HADHB: variants seen among roughly 807,000 people sequenced by gnomAD.
HADHB encodes the protein hydroxyacyl-CoA dehydrogenase trifunctional multienzyme complex subunit beta.
In HADHB, 50 loss-of-function variants were observed where a neutral mutation model predicts 61.9. The ratio of observed to expected loss-of-function variants is 0.81; its 90% confidence interval spans 0.64 to 1.02. The LOEUF is 1.02. Among genes scored for constraint, HADHB ranks in the 50% least tolerant of loss-of-function variants. The probability of loss-of-function intolerance (pLI) is 0.00; values close to 1 mark genes in which losing one functional copy is unlikely to be tolerated. For missense variants in HADHB, 504 were observed against 586.5 expected, an observed-to-expected ratio of 0.86 and a Z score of 1.45; for synonymous variants, 191 against 201.6, an observed-to-expected ratio of 0.95 and a Z score of 0.45.
intron 3 of HADHB, among the ~76,000 whole-genome samples, chr2:26,262,115 C>G (rs566652472): frequency 6.6e-6 from 1 of 152,140 alleles, no homozygotes; most frequent in African/African-American, 2.4e-5. Flanking sequence ...ACTATTAACT[C>G]TCACTAATAT....
rs1672658071 is a variant in HADHB at position 26,278,700 on chromosome 2, A to G, written c.529A>G (p.Arg177Gly). 3.1e-6 allele frequency: 5 copies of G among 1,614,094 alleles called. No individual in the cohort carries two copies. Among genetic ancestry groups the G allele is most frequent in the Non-Finnish European group, 4.2e-6 (5 of 1,179,924 alleles). Residue 177 changes from arginine to glycine, a missense_variant, in exon 8 of 16, where the codon AGG becomes GGG. Physicochemically the swap from Arg to Gly is moderately radical, Grantham distance 125. Transcript: ENST00000317799. ...LMSDVPIRHS[R>G]KMRKLMLDLN... is the part of the protein sequence containing the mutation. ...GTCCGATGTCCCTATTCGTCACTCA[A>G]GGAAAATGAGAAAACTGATGCTTGA... is the stretch of plus-strand genomic sequence containing the variant.
chr2:26,253,872 A>ATAAATAAG (rs1671503833), intron 1 of HADHB, among the ~76,000 whole-genome samples: 3 of 148,040 alleles, frequency 2.0e-5, no homozygotes, highest in Admixed American at 2.0e-4. Context: ...AAATAAATAA[A>ATAAATAAG]TAAATAAATA....
intron 1 of HADHB, among the ~76,000 whole-genome samples, chr2:26,249,576 T>C (rs1373326112): frequency 1.3e-5 from 2 of 151,596 alleles, no homozygotes; most frequent in African/African-American, 2.4e-5. Context: ...CAATGAGAGG[T>C]TGGGTTTCAG....
intron 6 of HADHB, among the ~76,000 whole-genome samples, chr2:26,276,323 C>T (rs971057675): frequency 2.0e-4 from 30 of 152,238 alleles, no homozygotes; most frequent in African/African-American, 7.0e-4. Context: ...ATGCCATCAT[C>T]CTGGCCACTT....
intron 1 of HADHB, among the ~76,000 whole-genome samples, chr2:26,247,435 AAAAGTCT>A (rs1671211497): frequency 6.6e-6 from 1 of 152,262 alleles, no homozygotes; most frequent in Non-Finnish European, 1.5e-5. Flanking sequence ...GAAACTACAG[AAAAGTCT>A]AAAGAAAATC....
At chr2:26,266,678 G>A (rs891858873) in intron 4 of HADHB, among the ~76,000 whole-genome samples, 1 of 151,556 alleles carries the variant, frequency 6.6e-6, no homozygotes, top group Non-Finnish European at 1.5e-5. Flanking sequence ...TCAGGTGTTT[G>A]AGACCAGCCT....
At position 26,279,190 on chromosome 2, in the gene HADHB, G is replaced by A. The variant is rs375654005; in HGVS notation, c.686G>A (p.Arg229Gln). ...TSETMGHSAD[R>Q]LAAAFAVSRL... ...GAGACCATGGGCCACTCTGCAGACC[G>A]ACTGGCCGCTGCCTTTGCTGTTTCT... The change falls in exon 9 of 16, where the codon CGA becomes CAA. Residue 229 changes from arginine (R) to glutamine (Q), a missense_variant. By Grantham distance (43) the Arg-to-Gln change is conservative. Transcript: ENST00000317799. The A allele has an allele frequency of 2.5e-6, 4 of 1,613,860 alleles. No homozygotes were observed. The highest frequency in any genetic ancestry group is 2.2e-5 in the East Asian group (1 of 44,876).
Position 26,266,570 on chromosome 2 carries a change from T to A in HADHB, c.209+3091T>A, listed in dbSNP as rs60998658. ...ATTCAGGTAGAGGAGTGTGAGAGTATGAGAATAAAGATTGTAAATGATAAG... is the reference window on the plus strand; with the variant it reads ...ATTCAGGTAGAGGAGTGTGAGAGTAAGAGAATAAAGATTGTAAATGATAAG... On this transcript the variant is annotated intron_variant, in intron 4 of 15. Transcript: ENST00000317799. 6.2e-3 allele frequency among the ~76,000 whole-genome samples: 948 copies of A among 151,772 alleles called. 8 individuals are homozygous for A. Among genetic ancestry groups the A allele is most frequent in the African/African-American group, 0.021 (886 of 41,360 alleles).
intron 1 of HADHB, among the ~76,000 whole-genome samples, chr2:26,252,360 A>AT (rs954129263): frequency 7.0e-4 from 107 of 152,206 alleles, no homozygotes; most frequent in Admixed American, 6.9e-3. Flanking sequence ...ATCTTGTGGG[A>AT]TTTTTTTGGT....
chr2:26,289,879 A>T, intron 15 of HADHB, 39 bp from the exon 16 acceptor site: 1 of 1,459,626 alleles, frequency 6.9e-7, no homozygotes, highest in South Asian at 1.1e-5. Context: ...TGGATTCATC[A>T]CCATTCATTG....
At chr2:26,278,034 G>A (rs971241626) in intron 7 of HADHB, among the ~76,000 whole-genome samples, 13 of 152,220 alleles carry the variant, frequency 8.5e-5, no homozygotes, top group African/African-American at 3.1e-4. Flanking sequence ...AAGGAAGCCT[G>A]AAAGATTTAG....
At chr2:26,266,549 A>G (rs1672085140) in intron 4 of HADHB, among the ~76,000 whole-genome samples, 1 of 152,064 alleles carries the variant, frequency 6.6e-6, no homozygotes, top group African/African-American at 2.4e-5. Context: ...TCAATCATTC[A>G]GGTAGAGGAG....
intron 13 of HADHB, 64 bp downstream of exon 13, chr2:26,284,268 G>A: frequency 2.2e-6 from 2 of 909,408 alleles, no homozygotes; most frequent in East Asian, 4.8e-5. Flanking sequence ...CCATATTTGT[G>A]GGAGAGAGCA....
intron 3 of HADHB, among the ~76,000 whole-genome samples, chr2:26,259,188 G>C (rs905791562): frequency 6.6e-6 from 1 of 152,250 alleles, no homozygotes; most frequent in South Asian, 2.1e-4. Flanking sequence ...TGTCTCACAC[G>C]GGGCACCACC....
intron 4 of HADHB, among the ~76,000 whole-genome samples, chr2:26,269,020 G>T (rs1392099353): frequency 6.6e-6 from 1 of 151,924 alleles, no homozygotes; most frequent in Admixed American, 6.6e-5. Flanking sequence ...GTGGTGGTGG[G>T]TGCCCGTAAT....
chr2:26,255,884 G>T (rs1398465636), intron 3 of HADHB, among the ~76,000 whole-genome samples: 2 of 152,124 alleles, frequency 1.3e-5, no homozygotes, highest in African/African-American at 4.8e-5. Flanking sequence ...TGTCTGTCTT[G>T]TTTTGCCTTT....
At chr2:26,283,145 T>G in intron 12 of HADHB, 94 bp downstream of exon 12, 1 of 857,832 alleles carries the variant, frequency 1.2e-6, no homozygotes. Flanking sequence ...CACTGGTTTA[T>G]TATTTATTTG....
intron 4 of HADHB, among the ~76,000 whole-genome samples, chr2:26,266,871 C>CAAAAAAAAAAAAAAAAAAAAAAAAAA (rs56401595): frequency 4.4e-5 from 2 of 45,426 alleles, no homozygotes; most frequent in African/African-American, 2.0e-4. Context: ...CACTCTCTCT[C>CAAAAAAAAAAAAAAAAAAAAAAAAAA]AAAAAAAAAA....
chr2:26,268,136 T>C (rs1020541708), intron 4 of HADHB, among the ~76,000 whole-genome samples: 2 of 152,036 alleles, frequency 1.3e-5, no homozygotes, highest in Non-Finnish European at 1.5e-5. Flanking sequence ...AGTGAGACCC[T>C]ATCTCAAAAA....
Sources: gnomAD v4.1 joint callset for allele counts (sites outside exome capture counted in the v4.1 genomes callset) on GRCh38, gnomAD v4.1.1 for gene constraint, MANE v1.5 for transcripts, NCBI Gene and HGNC (gene_info 2026-07-23, HGNC 2026-07-21) for gene names.